OSBPL3: variants seen among roughly 807,000 people sequenced by gnomAD.
OSBPL3 encodes the protein oxysterol binding protein like 3, also known as oxysterol-binding protein-related protein 3.
In OSBPL3, 65 loss-of-function variants were observed where a neutral mutation model predicts 120.1. That is an observed-to-expected ratio of 0.54 (90% confidence interval 0.44 to 0.67). The LOEUF is 0.67. Ranked by LOEUF, OSBPL3 falls within the 30% of genes least tolerant of loss-of-function variation. The pLI is 0.00. For missense variants in OSBPL3, 1,004 were observed against 1,082.1 expected (o/e 0.93, Z 1.01); for synonymous variants, 416 against 402.6 (o/e 1.03, Z -0.40).
Position 24,918,023 on chromosome 7 carries a change from C to A in OSBPL3, c.-149-25402G>T. The A allele has an allele frequency of 7.4e-6, 7 of 952,086 alleles. No individual in the cohort carries two copies. The highest frequency in any genetic ancestry group is 7.5e-6 in the Non-Finnish European group (6 of 799,486). 59.0% of individuals were successfully genotyped at this position (952,086 alleles called of 1,614,324 possible). ...TTTCAAATTCAGTGATCCTATGAGT[C>A]CATAAAATGACTAGCACTCTTACCT... On this transcript the variant is annotated intron_variant, in intron 1 of 22. Coordinates refer to ENST00000313367, the MANE Select transcript of OSBPL3 (RefSeq NM_015550.4). This position sits in a 1 kb window ranked among gnomAD's most constrained non-coding sequence, Gnocchi z 4.3.
rs1298803012 is a variant in OSBPL3, at chr7:24,896,875, C to A, written c.-149-4254G>T. On this transcript the variant is annotated intron_variant, in intron 1 of 22. Transcript: ENST00000313367. The surrounding 1 kb of genome is among the most constrained non-coding windows in gnomAD (Gnocchi z 4.4). ...TTACTTGAGGTCAGGAGTTCAAGAC[C>A]AGCCTGGCCAACATGGTAAAACCCC... Among the ~76,000 whole-genome samples the A allele has an allele frequency of 6.6e-6, 1 of 152,144 alleles. No individual in the cohort carries two copies. Among genetic ancestry groups the A allele is most frequent in the East Asian group, 1.9e-4 (1 of 5,196 alleles).
intron 1 of OSBPL3, among the ~76,000 whole-genome samples, chr7:24,923,748 G>A (rs1003761331): frequency 9.2e-5 from 14 of 152,160 alleles, no homozygotes; most frequent in Non-Finnish European, 1.3e-4. Flanking sequence ...GCAGGCGGGC[G>A]GCCGGGTGGG....
intron 12 of OSBPL3, among the ~76,000 whole-genome samples, chr7:24,847,162 A>G (rs1298967856): frequency 6.6e-6 from 1 of 152,140 alleles, no homozygotes; most frequent in Non-Finnish European, 1.5e-5. Context: ...ATTGGTGGAG[A>G]CTGTCATTTC....
intron 13 of OSBPL3, among the ~76,000 whole-genome samples, chr7:24,841,969 C>T (rs1019472386): frequency 6.6e-6 from 1 of 151,390 alleles, no homozygotes; most frequent in African/African-American, 2.4e-5. Flanking sequence ...GCTGAGATTG[C>T]ACCACTGCAC....
rs1487957460 is a variant in OSBPL3, at chr7:24,827,011, G to A, written c.1884+3757C>T. ...CTCAGACTGTTGTCTAGAAAACTCA[G>A]AAGAAAAGCCAAGCTGTTTCTTGCC... On this transcript the variant is annotated intron_variant, in intron 16 of 22. Coordinates refer to ENST00000313367, the MANE Select transcript of OSBPL3 (RefSeq NM_015550.4). The surrounding 1 kb of genome is among the most constrained non-coding windows in gnomAD (Gnocchi z 5.1). 6.6e-6 allele frequency among the ~76,000 whole-genome samples: 1 copy of A among 152,170 alleles called. No individual in the cohort carries two copies. Among genetic ancestry groups the A allele is most frequent in the East Asian group, 1.9e-4 (1 of 5,196 alleles).
At chr7:24,974,217 C>T (rs553409086) in intron 1 of OSBPL3, among the ~76,000 whole-genome samples, 3 of 152,322 alleles carry the variant, frequency 2.0e-5, no homozygotes, top group South Asian at 2.1e-4. Flanking sequence ...CCAGTTTCAA[C>T]GATCGTCAGC....
intron 10 of OSBPL3, among the ~76,000 whole-genome samples, chr7:24,856,844 G>A (rs1799899724): frequency 6.6e-6 from 1 of 152,098 alleles, no homozygotes; most frequent in Admixed American, 6.5e-5. Context: ...CTGATCTTCT[G>A]TAATCTGCAG....
At chr7:24,853,983 G>A (rs1015619501) in intron 10 of OSBPL3, among the ~76,000 whole-genome samples, 1 of 152,126 alleles carries the variant, frequency 6.6e-6, no homozygotes, top group Admixed American at 6.5e-5. Flanking sequence ...CTGTTCCCTA[G>A]TGAGCCCTCA....
chr7:24,910,982 G>C (rs1808743636), intron 1 of OSBPL3, among the ~76,000 whole-genome samples: 1 of 152,222 alleles, frequency 6.6e-6, no homozygotes, highest in African/African-American at 2.4e-5. Flanking sequence ...GATGAGGCCA[G>C]GGCAAGGGCA....
chr7:24,934,329 G>A (rs1261790330), intron 1 of OSBPL3, among the ~76,000 whole-genome samples: 10 of 152,128 alleles, frequency 6.6e-5, no homozygotes, highest in Admixed American at 3.3e-4. Flanking sequence ...ACAGATAACC[G>A]AGTTCCTCAG....
rs575275652 is a variant in OSBPL3, at chr7:24,872,162, G to A, written c.97-93C>T. ...GCATCCTGTCAGTAAATTTATTCAA[G>A]ATGGGGAGGCTGGCTGGGTTTGTTG... On this transcript the variant is annotated intron_variant, in intron 2 of 22. Coordinates refer to ENST00000313367, the MANE Select transcript of OSBPL3 (RefSeq NM_015550.4). This position sits in a 1 kb window ranked among gnomAD's most constrained non-coding sequence, Gnocchi z 4.1. 7.5e-4 allele frequency: 674 copies of A among 903,398 alleles called. 1 individual carries two copies. The highest frequency in any genetic ancestry group is 1.1e-3 in the Non-Finnish European group (592 of 547,444). 56.0% of individuals were successfully genotyped at this position (903,398 alleles called of 1,614,324 possible). A position where few individuals can be genotyped will look rare whatever the true frequency, so the allele number is the denominator to read the frequency against.
chr7:24,979,770 G>A (rs1398991797), intron 1 of OSBPL3, 116 bp downstream of exon 1: 2 of 545,574 alleles, frequency 3.7e-6, no homozygotes, highest in East Asian at 1.5e-4. Flanking sequence ...GACTCGGACA[G>A]ACCCCGGTCC....
intron 1 of OSBPL3, among the ~76,000 whole-genome samples, chr7:24,924,618 G>A (rs924037205): frequency 6.6e-6 from 1 of 152,170 alleles, no homozygotes; most frequent in Non-Finnish European, 1.5e-5. Flanking sequence ...ACAAGGTTGA[G>A]TTTAATGGCT....
At chr7:24,908,211 A>C (rs1808236010) in intron 1 of OSBPL3, among the ~76,000 whole-genome samples, 1 of 152,138 alleles carries the variant, frequency 6.6e-6, no homozygotes, top group Admixed American at 6.5e-5. Flanking sequence ...ATCACTAGTT[A>C]ATGCTTCCTT....
chr7:24,956,120 C>T (rs1046544699), intron 1 of OSBPL3, among the ~76,000 whole-genome samples: 13 of 152,264 alleles, frequency 8.5e-5, no homozygotes, highest in Non-Finnish European at 1.6e-4. Context: ...AAGTGACCCA[C>T]AGTCAACATC....
Position 24,964,490 on chromosome 7 carries a change from G to C in OSBPL3, c.-150+15396C>G, listed in dbSNP as rs1816156516. The stretch of plus-strand genomic sequence containing the variant: ...GAAAATCATCAGACAAATCCCAGTG[G>C]AGACATACTCTACAAAATACTTTAC... On this transcript the variant is annotated intron_variant, in intron 1 of 22. Transcript: ENST00000313367. The surrounding 1 kb of genome is among the most constrained non-coding windows in gnomAD (Gnocchi z 4.2). Among the ~76,000 whole-genome samples the C allele has an allele frequency of 6.6e-6, 1 of 152,086 alleles. No homozygotes were observed. The highest frequency in any genetic ancestry group is 2.1e-4 in the South Asian group (1 of 4,832).
At position 24,831,060 on chromosome 7, in the gene OSBPL3, G is replaced by C. The variant is rs182444605; in HGVS notation, c.1747-155C>G. Among the ~76,000 whole-genome samples the C allele has an allele frequency of 6.6e-6, 1 of 152,268 alleles. No homozygotes were observed. Among genetic ancestry groups the C allele is most frequent in the East Asian group, 1.9e-4 (1 of 5,192 alleles). ...TAAACAACATAGGTTTAAAATTGTAGGTTTAAATAATGTTTATCTGGGCCC... is the reference window on the plus strand; with the variant it reads ...TAAACAACATAGGTTTAAAATTGTACGTTTAAATAATGTTTATCTGGGCCC... On this transcript the variant is annotated intron_variant, in intron 15 of 22. Coordinates refer to ENST00000313367, the MANE Select transcript of OSBPL3 (RefSeq NM_015550.4). The surrounding 1 kb of genome is among the most constrained non-coding windows in gnomAD (Gnocchi z 4.0).
At chr7:24,950,038 T>A (rs929731049) in intron 1 of OSBPL3, among the ~76,000 whole-genome samples, 1 of 152,210 alleles carries the variant, frequency 6.6e-6, no homozygotes, top group Non-Finnish European at 1.5e-5. Flanking sequence ...AATCCATTGT[T>A]TTCCCCACAG....
chr7:24,806,220 G>C lies in OSBPL3; in HGVS notation c.2444+556C>G, dbSNP rs1227297762. 2.0e-5 allele frequency among the ~76,000 whole-genome samples: 3 copies of C among 152,236 alleles called. No individual in the cohort carries two copies. Among genetic ancestry groups the C allele is most frequent in the Non-Finnish European group, 4.4e-5 (3 of 68,048 alleles). On this transcript the variant is annotated intron_variant, in intron 21 of 22. Transcript: ENST00000313367. The surrounding 1 kb of genome is among the most constrained non-coding windows in gnomAD (Gnocchi z 5.2). ...GATCCGCCCGCTTCGGCCTCCCAAA[G>C]TGTTGTTTGTTTTTAATAAAGCCAA...
Sources: allele counts gnomAD v4.1 joint callset (sites outside exome capture counted in the v4.1 genomes callset), GRCh38; gene constraint gnomAD v4.1.1; non-coding constraint Gnocchi (gnomAD v3.1); transcripts MANE v1.5; gene names NCBI Gene and HGNC (gene_info 2026-07-23, HGNC 2026-07-21).